LINGO2: variants seen among roughly 807,000 people sequenced by gnomAD.
LINGO2 encodes leucine rich repeat and Ig domain containing 2, also known as leucine-rich repeat and immunoglobulin-like domain-containing nogo receptor-interacting protein 2.
Under a neutral mutation model 30.6 loss-of-function variants are expected in LINGO2, and 14 were observed. That is an observed-to-expected ratio of 0.46 (90% CI 0.30 to 0.72). LINGO2 has a LOEUF of 0.72. Among genes scored for constraint, LINGO2 ranks in the 30% least tolerant of loss-of-function variants. The probability of loss-of-function intolerance (pLI) is 0.07; values close to 1 mark genes in which losing one functional copy is unlikely to be tolerated. For missense variants in LINGO2, 729 were observed against 751.7 expected, an observed-to-expected ratio of 0.97 and a Z score of 0.35; for synonymous variants, 317 against 288.5, an observed-to-expected ratio of 1.10 and a Z score of -1.00.
intron 1 of LINGO2, among the ~76,000 whole-genome samples, chr9:28,583,350 T>G (rs1824357832): frequency 6.6e-6 from 1 of 151,992 alleles, no homozygotes; most frequent in African/African-American, 2.4e-5. Flanking sequence ...AAAAATTTTT[T>G]AAATGAAAAA....
chr9:27,962,853 T>G (rs144506695), intron 5 of LINGO2, among the ~76,000 whole-genome samples: 141 of 152,300 alleles, frequency 9.3e-4, no homozygotes, highest in African/African-American at 3.2e-3. Flanking sequence ...CTAGGGCCTT[T>G]CCATTAATTC....
chr9:28,753,617 A>G, the LINGO2 span, among the ~76,000 whole-genome samples: 1 of 152,064 alleles, frequency 6.6e-6, no homozygotes, highest in Non-Finnish European at 1.5e-5. Flanking sequence ...TATTTAATTA[A>G]CCCGAAACAA....
intron 4 of LINGO2, among the ~76,000 whole-genome samples, chr9:28,190,703 T>C (rs994917017): frequency 1.3e-5 from 2 of 152,288 alleles, no homozygotes; most frequent in South Asian, 2.1e-4. Context: ...ACCCAGTCTA[T>C]GGTATTTTGT....
intron 3 of LINGO2, among the ~76,000 whole-genome samples, chr9:28,295,988 T>C (rs1823907213): frequency 6.6e-6 from 1 of 152,170 alleles, no homozygotes; most frequent in Admixed American, 6.5e-5. Context: ...AGTAAGACAG[T>C]ACTGTAAGAG....
At chr9:28,486,589 T>A (rs1486935635) in intron 1 of LINGO2, among the ~76,000 whole-genome samples, 1 of 152,192 alleles carries the variant, frequency 6.6e-6, no homozygotes, top group Non-Finnish European at 1.5e-5. Flanking sequence ...GTGTATGTAT[T>A]CTTTTTCTAT....
chr9:28,494,308 G>T (rs557432071), intron 1 of LINGO2, among the ~76,000 whole-genome samples: 1 of 151,912 alleles, frequency 6.6e-6, no homozygotes, highest in East Asian at 1.9e-4. Flanking sequence ...ACATTGGTGT[G>T]CTGCACCCAT....
rs771948198 is a variant in LINGO2, at chr9:28,104,261, TG to T, written c.-86-91857del. Among the ~76,000 whole-genome samples the T allele has an allele frequency of 2.5e-3, 306 of 123,742 alleles. 23 individuals carry two copies. The highest frequency in any genetic ancestry group is 3.5e-3 in the Non-Finnish European group (211 of 59,810). 81.2% of individuals were successfully genotyped at this position (123,742 alleles called of 152,430 possible). A position where few individuals can be genotyped will look rare whatever the true frequency, so the allele number is the denominator to read the frequency against. ...TTGCTTTTCCCCAGTACAAGTTTTT[TG>T]TTTGTTTTTTTTTTTTTTTTTTTTG... is the stretch of plus-strand genomic sequence containing the variant. On this transcript the variant is annotated intron_variant, in intron 4 of 5. Transcript: ENST00000379992.
At chr9:28,445,399 C>T (rs1227761346) in intron 2 of LINGO2, among the ~76,000 whole-genome samples, 1 of 152,092 alleles carries the variant, frequency 6.6e-6, no homozygotes, top group Non-Finnish European at 1.5e-5. Context: ...TCATCTTCCG[C>T]AGATCAAGCA....
the LINGO2 span, among the ~76,000 whole-genome samples, chr9:29,131,213 A>C: frequency 6.6e-6 from 1 of 152,134 alleles, no homozygotes; most frequent in East Asian, 1.9e-4. Flanking sequence ...TGAAGTTTCC[A>C]TTCTATGGAA....
At chr9:29,023,385 A>AT in the LINGO2 span, among the ~76,000 whole-genome samples, 2 of 152,126 alleles carry the variant, frequency 1.3e-5, no homozygotes, top group South Asian at 2.1e-4. Context: ...GTCCCTATTT[A>AT]TTTTTTAGCA....
At chr9:28,877,285 G>T in the LINGO2 span, among the ~76,000 whole-genome samples, 1 of 151,834 alleles carries the variant, frequency 6.6e-6, no homozygotes, top group Non-Finnish European at 1.5e-5. Flanking sequence ...TTTGGCTTTC[G>T]TTGCCATTGC....
At chr9:29,049,665 A>G in the LINGO2 span, among the ~76,000 whole-genome samples, 1 of 152,180 alleles carries the variant, frequency 6.6e-6, no homozygotes, top group African/African-American at 2.4e-5. Flanking sequence ...ATGGAACTGG[A>G]GATGTTAAGT....
At chr9:28,599,623 C>T (rs1427648681) in intron 1 of LINGO2, among the ~76,000 whole-genome samples, 1 of 152,014 alleles carries the variant, frequency 6.6e-6, no homozygotes, top group African/African-American at 2.4e-5. Context: ...TATTGTTTAA[C>T]TACTTTTCTT....
chr9:28,900,699 G>T, the LINGO2 span, among the ~76,000 whole-genome samples: 1 of 152,152 alleles, frequency 6.6e-6, no homozygotes, highest in South Asian at 2.1e-4. Flanking sequence ...GACAAAGCCA[G>T]TCTGCAAAGA....
intron 1 of LINGO2, among the ~76,000 whole-genome samples, chr9:28,666,181 T>C (rs1446531875): frequency 6.6e-6 from 1 of 152,074 alleles, no homozygotes; most frequent in Non-Finnish European, 1.5e-5. Flanking sequence ...TGTGAGTCAC[T>C]GCGCCCGGCT....
At chr9:28,247,675 T>C (rs954952138) in intron 4 of LINGO2, among the ~76,000 whole-genome samples, 5 of 152,062 alleles carry the variant, frequency 3.3e-5, no homozygotes, top group African/African-American at 1.2e-4. Context: ...GATGGGTTGA[T>C]AGGTGTAACA....
At chr9:28,922,212 T>A in the LINGO2 span, among the ~76,000 whole-genome samples, 17 of 152,300 alleles carry the variant, frequency 1.1e-4, no homozygotes, top group African/African-American at 4.1e-4. Flanking sequence ...ACAATGAACA[T>A]TGCAATTATC....
rs142283302 is a variant in LINGO2, at chr9:28,263,046, T to C, written c.-87+32162A>G. On this transcript the variant is annotated intron_variant, in intron 4 of 5. Coordinates refer to ENST00000379992, the Ensembl canonical transcript of LINGO2. ...GGGTTCCCGTCTCCTAAGGCTTAAA[T>C]TAAGGTGTTGGCTAGAGGTACAACC... 5.7e-3 allele frequency among the ~76,000 whole-genome samples: 867 copies of C among 152,126 alleles called. 12 individuals are homozygous for C. Among genetic ancestry groups the C allele is most frequent in the African/African-American group, 0.019 (797 of 41,526 alleles).
At chr9:28,097,824 TTAAAA>T (rs777171208) in intron 4 of LINGO2, among the ~76,000 whole-genome samples, 4 of 150,534 alleles carry the variant, frequency 2.7e-5, no homozygotes, top group African/African-American at 9.8e-5. Flanking sequence ...ACCCTAAAAC[TTAAAA>T]TATAATAATA....
Sources: gnomAD v4.1 joint callset for allele counts (sites outside exome capture counted in the v4.1 genomes callset) on GRCh38, gnomAD v4.1.1 for gene constraint, MANE v1.5 for transcripts, NCBI Gene and HGNC (gene_info 2026-07-23, HGNC 2026-07-21) for gene names.